The following MYOD1 variants were observed in gnomAD, a reference collection of about 807,000 sequenced individuals.
The protein encoded by MYOD1 is myogenic differentiation 1.
Under a neutral mutation model 14.9 loss-of-function variants are expected in MYOD1, and 15 were observed. The observed-to-expected ratio is 1.01, with a 90% CI of 0.67 to 1.55. The LOEUF (loss-of-function observed/expected upper bound fraction) is 1.55, where lower values mean the gene tolerates loss of function less well. MYOD1 is among the 40% of genes most tolerant of loss of function. The probability of loss-of-function intolerance (pLI) is 0.00; values close to 1 mark genes in which losing one functional copy is unlikely to be tolerated. For missense variants in MYOD1, 529 were observed against 482.6 expected (o/e 1.10, Z -0.90); for synonymous variants, 235 against 218.6 (o/e 1.07, Z -0.66).
At position 17,720,925 on chromosome 11, in the gene MYOD1, C is replaced by A. The variant is rs762738028; in HGVS notation, c.654C>A (p.Ser218Arg). ...AGATGGACTACAGCGGCCCCCCGAGCGGCGCCCGGCGGCGGAACTGCTACG... is the reference window on the plus strand; with the variant it reads ...AGATGGACTACAGCGGCCCCCCGAGAGGCGCCCGGCGGCGGAACTGCTACG... Reference protein sequence around the residue: ...DGMMDYSGPPSGARRRNCYEG... With the variant: ...DGMMDYSGPPRGARRRNCYEG... The change falls in exon 2 of 3, where the codon AGC becomes AGA. Residue 218 changes from serine (S) to arginine (R), a missense_variant. Transcript: ENST00000250003. The A allele has an allele frequency of 6.2e-7, 1 of 1,611,258 alleles. No individual in the cohort carries two copies. Among genetic ancestry groups the A allele is most frequent in the African/African-American group, 1.3e-5 (1 of 74,900 alleles).
chr11:17,720,281 C>G lies in MYOD1; in HGVS notation c.499C>G (p.Gln167Glu), dbSNP rs2133764300. ...IEGLQALLRD[Q>E]DAAPPGAAAA... Reference sequence around the variant, plus strand: ...GGGCCTGCAGGCTCTGCTGCGCGACCAGGACGCCGCGCCCCCTGGCGCCGC... The same window carrying G: ...GGGCCTGCAGGCTCTGCTGCGCGACGAGGACGCCGCGCCCCCTGGCGCCGC... The change falls in exon 1 of 3, where the codon CAG becomes GAG. Residue 167 changes from glutamine (Q) to glutamate (E), a missense_variant. By Grantham distance (29) the Gln-to-Glu change is conservative. Transcript: ENST00000250003. 1 of 1,595,896 alleles carries G rather than the reference C, an allele frequency of 6.3e-7. No individual in the cohort carries two copies. Among genetic ancestry groups the G allele is most frequent in the South Asian group, 1.1e-5 (1 of 89,308 alleles).
At position 17,721,453 on chromosome 11, in the gene MYOD1, C is replaced by T; in HGVS notation, c.908C>T (p.Ala303Val). The T allele has an allele frequency of 1.3e-6, 2 of 1,596,088 alleles. No homozygotes were observed. The change falls in exon 3 of 3, where the codon GCC (alanine) becomes GTC (valine). Residue 303 changes from alanine to valine, a missense_variant. Transcript: ENST00000250003. This position sits in a 1 kb window ranked among gnomAD's most constrained non-coding sequence, Gnocchi z 6.2. ...SSGDPTQSPD[A>V]APQCPAGANP... is the part of the protein sequence containing the mutation. ...GGCGACCCCACCCAGTCACCGGACG[C>T]CGCCCCGCAGTGCCCTGCGGGTGCG...
rs1848643118 is a variant in MYOD1 at position 17,721,945 on chromosome 11, C to G, written c.*437C>G. 5 of 248,434 alleles carry G rather than the reference C, an allele frequency of 2.0e-5. No homozygotes were observed. Among genetic ancestry groups the G allele is most frequent in the Admixed American group, 1.1e-4 (2 of 18,160 alleles). 15.4% of individuals were successfully genotyped at this position (248,434 alleles called of 1,614,324 possible). ...CAACCCGTTTCCCGGTTCAGGACCA[C>G]TTTTTGTAATACTTTTGTAATCTAT... is the stretch of plus-strand genomic sequence containing the variant. On this transcript the variant is annotated 3_prime_UTR_variant, in exon 3 of 3. Coordinates refer to ENST00000250003, the MANE Select transcript of MYOD1 (RefSeq NM_002478.5). The surrounding 1 kb of genome is among the most constrained non-coding windows in gnomAD (Gnocchi z 6.2).
Position 17,721,430 on chromosome 11 carries a change from C to T in MYOD1, c.885C>T (p.Gly295=). The T allele has an allele frequency of 1.3e-6, 2 of 1,597,798 alleles. No individual in the cohort carries two copies. Among genetic ancestry groups the T allele is most frequent in the Non-Finnish European group, 8.5e-7 (1 of 1,177,540 alleles). Reference sequence around the variant, plus strand: ...CCCCCAGCGAGGGAGAGAGCAGCGGCGACCCCACCCAGTCACCGGACGCCG... The same window carrying T: ...CCCCCAGCGAGGGAGAGAGCAGCGGTGACCCCACCCAGTCACCGGACGCCG... ...AAAPSEGESS[G]DPTQSPDAAP... The change falls in exon 3 of 3, where the codon GGC becomes GGT. Residue 295 remains glycine, a synonymous_variant. Transcript: ENST00000250003. The surrounding 1 kb of genome is among the most constrained non-coding windows in gnomAD (Gnocchi z 6.2).
At position 17,720,246 on chromosome 11, in the gene MYOD1, G is replaced by T. The variant is rs757176822; in HGVS notation, c.464G>T (p.Arg155Leu). 14 of 1,607,124 alleles carry T rather than the reference G, an allele frequency of 8.7e-6. No homozygotes were observed. The East Asian group carries it at 3.2e-4, about 37-fold the overall frequency. ...PKVEILRNAI[R>L]YIEGLQALLR... ...GTGGAGATCCTGCGCAACGCCATCC[G>T]CTATATCGAGGGCCTGCAGGCTCTG... Residue 155 changes from arginine (R) to leucine (L), a missense_variant, in exon 1 of 3, where the codon CGC (arginine) becomes CTC (leucine). By Grantham distance (102) the Arg-to-Leu change is moderately radical (BLOSUM62 -2). Transcript: ENST00000250003.
Position 17,719,622 on chromosome 11 carries a change from A to G in MYOD1, c.-161A>G. The G allele has an allele frequency of 1.1e-6, 1 of 904,548 alleles. No individual in the cohort carries two copies. Among genetic ancestry groups the G allele is most frequent in the Non-Finnish European group, 1.6e-6 (1 of 621,120 alleles). The allele number at this position is 904,548 out of a possible 1,614,324, so 56.0% of individuals were successfully genotyped here. ...CCGCCGCTTTCCTTAACCACAAATC[A>G]GGCCGGACAGGAGAGGGAGGGGTGG... On this transcript the variant is annotated 5_prime_UTR_variant, in exon 1 of 3. Transcript: ENST00000250003.
At position 17,721,379 on chromosome 11, in the gene MYOD1, G is replaced by T; in HGVS notation, c.834G>T (p.Ser278=). Residue 278 remains serine (S), a synonymous_variant, in exon 3 of 3, where the codon TCG becomes TCT. Transcript: ENST00000250003. The surrounding 1 kb of genome is among the most constrained non-coding windows in gnomAD (Gnocchi z 6.2). The part of the protein sequence containing the change: ...ALLLADVPSE[S]PPRRQEAAAP... Reference sequence around the variant, plus strand: ...TGCTGGCGGACGTGCCTTCTGAGTCGCCTCCGCGCAGGCAAGAGGCTGCCG... The same window carrying T: ...TGCTGGCGGACGTGCCTTCTGAGTCTCCTCCGCGCAGGCAAGAGGCTGCCG... The T allele has an allele frequency of 1.9e-6, 3 of 1,595,818 alleles. No homozygotes were observed. The highest frequency in any genetic ancestry group is 1.7e-5 in the Admixed American group (1 of 59,544).
Position 17,719,736 on chromosome 11 carries a change from C to G in MYOD1, c.-47C>G. ...GCAGAAAGTTCCGGCCACTCTCTGC[C>G]GCTTGGGTTGGGCGAAGCCAGGACC... On this transcript the variant is annotated 5_prime_UTR_variant, in exon 1 of 3. Transcript: ENST00000250003. The G allele has an allele frequency of 6.4e-7, 1 of 1,559,868 alleles. No homozygotes were observed. Among genetic ancestry groups the G allele is most frequent in the Non-Finnish European group, 8.7e-7 (1 of 1,154,590 alleles).
At position 17,721,212 on chromosome 11, in the gene MYOD1, C is replaced by T. The variant is rs372541277; in HGVS notation, c.710-43C>T. On this transcript the variant is annotated intron_variant, in intron 2 of 2. Coordinates refer to ENST00000250003, the MANE Select transcript of MYOD1 (RefSeq NM_002478.5). The surrounding 1 kb of genome is among the most constrained non-coding windows in gnomAD (Gnocchi z 6.2). ...CTGGGCCCGGGGGTGGGAGGCTTGT[C>T]GCGGCCCCACCCCTGCTTACTAACC... 3.4e-6 allele frequency: 5 copies of T among 1,475,238 alleles called. No homozygotes were observed. The highest frequency in any genetic ancestry group is 1.4e-5 in the African/African-American group (1 of 70,814). The allele number at this position is 1,475,238 out of a possible 1,614,324, so 91.4% of individuals were successfully genotyped here. A position where few individuals can be genotyped will look rare whatever the true frequency, so the allele number is the denominator to read the frequency against.
At chr11:17,720,449 C>T in intron 1 of MYOD1, 37 bp downstream of exon 1, 6 of 1,510,516 alleles carry the variant, frequency 4.0e-6, no homozygotes, top group South Asian at 2.6e-5. Flanking sequence ...GAAGTTAGGG[C>T]GGCGCTCGGG....
rs202128831 is a variant in MYOD1, at chr11:17,719,763, T to G, written c.-20T>G. ...CTTGGGTTGGGCGAAGCCAGGACCG[T>G]GCCGCGCCACCGCCAGGATATGGAG... On this transcript the variant is annotated 5_prime_UTR_variant, in exon 1 of 3. Coordinates refer to ENST00000250003, the MANE Select transcript of MYOD1 (RefSeq NM_002478.5). The G allele has an allele frequency of 1.9e-6, 3 of 1,603,410 alleles. No homozygotes were observed. The highest frequency in any genetic ancestry group is 1.7e-6 in the Non-Finnish European group (2 of 1,174,648).
chr11:17,720,439 G>A (rs765055736), intron 1 of MYOD1, 27 bp downstream of exon 1: 4 of 1,524,012 alleles, frequency 2.6e-6, no homozygotes, highest in Admixed American at 2.4e-5. Flanking sequence ...AGGAAGTGAG[G>A]AAGTTAGGGC....
Position 17,721,386 on chromosome 11 carries a change from C to A in MYOD1, c.841C>A (p.Arg281Ser), listed in dbSNP as rs1420173616. 5 of 1,596,616 alleles carry A rather than the reference C, an allele frequency of 3.1e-6. No individual in the cohort carries two copies. Among genetic ancestry groups the A allele is most frequent in the Non-Finnish European group, 4.2e-6 (5 of 1,178,122 alleles). ...LADVPSESPPRRQEAAAPSEG... is the reference protein window; with the variant it reads ...LADVPSESPPSRQEAAAPSEG... The stretch of plus-strand genomic sequence containing the variant: ...GGACGTGCCTTCTGAGTCGCCTCCG[C>A]GCAGGCAAGAGGCTGCCGCCCCCAG... The change falls in exon 3 of 3, where the codon CGC becomes AGC. Residue 281 changes from arginine to serine, a missense_variant. Arg to Ser is a moderately radical substitution (Grantham distance 110, BLOSUM62 -1). Transcript: ENST00000250003. This position sits in a 1 kb window ranked among gnomAD's most constrained non-coding sequence, Gnocchi z 6.2.
Position 17,720,364 on chromosome 11 carries a change from C to T in MYOD1, c.582C>T (p.Ser194=), listed in dbSNP as rs1489499623. 1.7e-5 allele frequency: 27 copies of T among 1,558,218 alleles called. No homozygotes were observed. The highest frequency in any genetic ancestry group is 1.2e-4 in the Admixed American group (6 of 50,578). The change falls in exon 1 of 3, where the codon AGC becomes AGT. Residue 194 remains serine (S), a synonymous_variant. Coordinates refer to ENST00000250003, the MANE Select transcript of MYOD1 (RefSeq NM_002478.5). ...CGGGCCGCGGCGGCGAGCACTACAG[C>T]GGCGACTCCGACGCGTCCAGCCCGC... ...LPPGRGGEHY[S]GDSDASSPRS... is the part of the protein sequence containing the mutation.
Position 17,720,263 on chromosome 11 carries a change from C to A in MYOD1, c.481C>A (p.Gln161Lys). ...RNAIRYIEGL[Q>K]ALLRDQDAAP... The stretch of plus-strand genomic sequence containing the variant: ...CGCCATCCGCTATATCGAGGGCCTG[C>A]AGGCTCTGCTGCGCGACCAGGACGC... Residue 161 changes from glutamine (Q) to lysine (K), a missense_variant, in exon 1 of 3, where the codon CAG becomes AAG. Physicochemically the swap from Gln to Lys is moderately conservative, Grantham distance 53. Coordinates refer to ENST00000250003, the MANE Select transcript of MYOD1 (RefSeq NM_002478.5). 1 of 1,601,430 alleles carries A rather than the reference C, an allele frequency of 6.2e-7. No homozygotes were observed. Among genetic ancestry groups the A allele is most frequent in the Non-Finnish European group, 8.5e-7 (1 of 1,176,210 alleles).
Position 17,721,101 on chromosome 11 carries a change from A to G in MYOD1, c.709+121A>G. 1 of 1,412,764 alleles carries G rather than the reference A, an allele frequency of 7.1e-7. No homozygotes were observed. 87.5% of individuals were successfully genotyped at this position (1,412,764 alleles called of 1,614,324 possible). A position where few individuals can be genotyped will look rare whatever the true frequency, so the allele number is the denominator to read the frequency against. On this transcript the variant is annotated intron_variant, in intron 2 of 2. Transcript: ENST00000250003. The surrounding 1 kb of genome is among the most constrained non-coding windows in gnomAD (Gnocchi z 6.2). ...TATGTCCTGGGAAGTGGTGCAGGAG[A>G]TGAAATACTAAGCAAGTAGCTCCCT...
In MYOD1 at chr11:17,719,710, G is replaced by A; in HGVS notation, c.-73G>A. On this transcript the variant is annotated 5_prime_UTR_variant, in exon 1 of 3. Transcript: ENST00000250003. ...CTATCTACAGCCGGGGCTCCCGAGC[G>A]GCAGAAAGTTCCGGCCACTCTCTGC... is the stretch of plus-strand genomic sequence containing the variant. 6.5e-7 allele frequency: 1 copy of A among 1,527,546 alleles called. No individual in the cohort carries two copies. The highest frequency in any genetic ancestry group is 8.8e-7 in the Non-Finnish European group (1 of 1,140,512). The allele number at this position is 1,527,546 out of a possible 1,614,324, so 94.6% of individuals were successfully genotyped here.
Position 17,721,245 on chromosome 11 carries a change from C to T in MYOD1, c.710-10C>T. ...CACCCCTGCTTACTAACCGAGCCCT[C>T]CCCGCGCAGAACCCAGGCCCGGGAA... is the stretch of plus-strand genomic sequence containing the variant. On this transcript the variant is annotated splice_polypyrimidine_tract_variant and intron_variant, in intron 2 of 2. Transcript: ENST00000250003. This position sits in a 1 kb window ranked among gnomAD's most constrained non-coding sequence, Gnocchi z 6.2. 6.5e-7 allele frequency: 1 copy of T among 1,533,200 alleles called. No homozygotes were observed. Among genetic ancestry groups the T allele is most frequent in the Non-Finnish European group, 8.8e-7 (1 of 1,141,640 alleles). The allele number at this position is 1,533,200 out of a possible 1,614,324, so 95.0% of individuals were successfully genotyped here.
Position 17,719,869 on chromosome 11 carries a change from C to A in MYOD1, c.87C>A (p.Phe29Leu). The change falls in exon 1 of 3, where the codon TTC (phenylalanine) becomes TTA (leucine). Residue 29 changes from phenylalanine (F) to leucine (L), a missense_variant. Transcript: ENST00000250003. ...SLCSFATTDD[F>L]YDDPCFDSPD... is the part of the protein sequence containing the mutation. ...GCTCCTTTGCCACAACGGACGACTT[C>A]TATGACGACCCGTGTTTCGACTCCC... 3 of 1,613,918 alleles carry A rather than the reference C, an allele frequency of 1.9e-6. No individual in the cohort carries two copies. In the South Asian group the frequency reaches 3.3e-5, roughly 18 times the overall value.
Sources: gnomAD v4.1 joint callset for allele counts on GRCh38, gnomAD v4.1.1 for gene constraint, Gnocchi (gnomAD v3.1) non-coding constraint, MANE v1.5 for transcripts, NCBI Gene and HGNC (gene_info 2026-07-23, HGNC 2026-07-21) for gene names.